ZNF727: variants seen among roughly 807,000 people sequenced by gnomAD.
ZNF727 encodes the protein putative zinc finger protein 727.
A neutral mutation model predicts 11.5 loss-of-function variants in ZNF727; 11 were observed. The observed-to-expected ratio is 0.95, with a 90% CI of 0.60 to 1.58. ZNF727 has a LOEUF of 1.58. Among genes scored for constraint, ZNF727 ranks in the 40% most tolerant of loss-of-function variants. The pLI, the probability that ZNF727 is intolerant of heterozygous loss-of-function variation, is 0.00. For synonymous variants in ZNF727, 171 were observed against 196.1 expected (o/e 0.87, Z 1.07); for missense variants, 533 against 581.7 (o/e 0.92, Z 0.86).
chr7:64,072,433 G>A (rs1789976425), intron 3 of ZNF727, among the ~76,000 whole-genome samples: 1 of 152,136 alleles, frequency 6.6e-6, no homozygotes, highest in African/African-American at 2.4e-5. Flanking sequence ...TTGGCATATG[G>A]TGTGCCTGAT....
chr7:64,070,686 T>G (rs1789946336), intron 3 of ZNF727, among the ~76,000 whole-genome samples: 1 of 152,046 alleles, frequency 6.6e-6, no homozygotes, highest in African/African-American at 2.4e-5. Context: ...CCTAACAGTA[T>G]TACTTTCTAT....
intron 3 of ZNF727, among the ~76,000 whole-genome samples, chr7:64,075,807 C>CAA (rs1785639455): frequency 6.6e-6 from 1 of 152,024 alleles, no homozygotes; most frequent in African/African-American, 2.4e-5. Flanking sequence ...GTAGTAGTAG[C>CAA]AATATCCCAA....
intron 1 of ZNF727, among the ~76,000 whole-genome samples, chr7:64,050,776 ATGTGTGTGTGTGTG>A (rs10609208): frequency 2.7e-5 from 4 of 148,358 alleles, no homozygotes; most frequent in African/African-American, 9.9e-5. Flanking sequence ...ATGCATATGT[ATGTGTGTGTGTGTG>A]TGTGTGTGTG....
chr7:64,080,895 T>TTTG lies in ZNF727; in HGVS notation c.*2348_*2349insGTT, dbSNP rs538620987. On this transcript the variant is annotated 3_prime_UTR_variant, in exon 4 of 4. Transcript: ENST00000456806. ...TTGTTTTTTGTTTTTTGTTTTTGTT[T>TTTG]TTTTTTTTGTGGTGGTGGAGGGGGC... is the stretch of plus-strand genomic sequence containing the variant. Among the ~76,000 whole-genome samples, 1 of 151,790 alleles carries TTTG rather than the reference T, an allele frequency of 6.6e-6. No homozygotes were observed. The highest frequency in any genetic ancestry group is 1.9e-4 in the East Asian group (1 of 5,146).
chr7:64,048,985 A>G (rs1385613665), intron 1 of ZNF727, among the ~76,000 whole-genome samples: 1 of 152,192 alleles, frequency 6.6e-6, no homozygotes, highest in African/African-American at 2.4e-5. Flanking sequence ...GAGGGCGGTG[A>G]CCAAATATTC....
intron 3 of ZNF727, 131 bp from the exon 4 acceptor site, chr7:64,077,145 T>C: frequency 2.1e-6 from 2 of 934,988 alleles, no homozygotes; most frequent in South Asian, 2.0e-5. Flanking sequence ...TATATGTCTA[T>C]AAAGGAAGTA....
At chr7:64,069,043 C>T in intron 2 of ZNF727, 26 bp downstream of exon 2, 1 of 1,519,778 alleles carries the variant, frequency 6.6e-7, no homozygotes, top group Non-Finnish European at 8.8e-7. Context: ...ATATACAACT[C>T]ATATTCTACA....
chr7:64,066,471 A>G, intron 1 of ZNF727, among the ~76,000 whole-genome samples: 1 of 133,100 alleles, frequency 7.5e-6, no homozygotes, highest in South Asian at 2.1e-4. Context: ...CCAATGGAAC[A>G]GAACAGAGGC....
At chr7:64,062,640 A>G (rs1017936645) in intron 1 of ZNF727, among the ~76,000 whole-genome samples, 5 of 128,980 alleles carry the variant, frequency 3.9e-5, no homozygotes, top group Non-Finnish European at 6.6e-5. Context: ...AGGTGGTCAT[A>G]TTTAAGTGAA....
chr7:64,069,733 A>G, intron 3 of ZNF727, 124 bp downstream of exon 3: 4 of 779,204 alleles, frequency 5.1e-6, no homozygotes, highest in Non-Finnish European at 8.2e-6. Context: ...AGAAGCCTTC[A>G]TTTCTTTCTC....
rs553949801 is a variant in ZNF727 at position 64,053,598 on chromosome 7, C to T, written c.3+7974C>T. Among the ~76,000 whole-genome samples, 21 of 152,146 alleles carry T rather than the reference C, an allele frequency of 1.4e-4. No homozygotes were observed. The South Asian group carries it at 2.9e-3, about 21-fold the overall frequency. ...CCTCCCAAAGTGCTGGGATTACAGG[C>T]GTGAGCCACTGCACTGGGCTGAGAT... On this transcript the variant is annotated intron_variant, in intron 1 of 3. Transcript: ENST00000456806.
At chr7:64,076,252 A>G (rs1209504419) in intron 3 of ZNF727, among the ~76,000 whole-genome samples, 1 of 152,168 alleles carries the variant, frequency 6.6e-6, no homozygotes, top group Non-Finnish European at 1.5e-5. Context: ...CTCCTATTTT[A>G]TGACTTGTAT....
At chr7:64,046,780 A>G (rs1584138257) in intron 1 of ZNF727, among the ~76,000 whole-genome samples, 1 of 152,248 alleles carries the variant, frequency 6.6e-6, no homozygotes, top group East Asian at 1.9e-4. Flanking sequence ...GAATCAGAGA[A>G]TATCCAACTA....
chr7:64,075,174 A>C (rs1196670304), intron 3 of ZNF727, among the ~76,000 whole-genome samples: 2 of 151,936 alleles, frequency 1.3e-5, no homozygotes, highest in Non-Finnish European at 2.9e-5. Flanking sequence ...TAATTGTATA[A>C]ATTTATTTCT....
At chr7:64,075,340 ATTAT>A (rs1285927979) in intron 3 of ZNF727, among the ~76,000 whole-genome samples, 7 of 152,250 alleles carry the variant, frequency 4.6e-5, no homozygotes, top group Admixed American at 2.0e-4. Context: ...TATGTCCAGT[ATTAT>A]TTAAGTGCCT....
intron 1 of ZNF727, among the ~76,000 whole-genome samples, chr7:64,057,833 G>A (rs1321814169): frequency 6.6e-6 from 1 of 151,936 alleles, no homozygotes; most frequent in African/African-American, 2.4e-5. Context: ...ATCTCTTAAT[G>A]CAGTTATATT....
rs186909523 is a variant in ZNF727, at chr7:64,062,955, C to G, written c.4-5936C>G. 1.1e-3 allele frequency among the ~76,000 whole-genome samples: 166 copies of G among 151,708 alleles called. 3 individuals carry two copies. The highest frequency in any genetic ancestry group is 3.8e-3 in the African/African-American group (159 of 41,422). The stretch of plus-strand genomic sequence containing the variant: ...TCAGCACCAGAATTTTTGCCTGATT[C>G]TTCAAAATGATTTTAATCAATTTAT... On this transcript the variant is annotated intron_variant, in intron 1 of 3. Coordinates refer to ENST00000456806, the MANE Select transcript of ZNF727 (RefSeq NM_001159522.3).
chr7:64,049,449 A>G (rs1789557812), intron 1 of ZNF727, among the ~76,000 whole-genome samples: 2 of 151,848 alleles, frequency 1.3e-5, no homozygotes, highest in Admixed American at 6.6e-5. Flanking sequence ...TTCCTTGTAC[A>G]CTCTGTATGT....
intron 1 of ZNF727, among the ~76,000 whole-genome samples, chr7:64,058,622 T>C (rs1244197111): frequency 1.3e-5 from 2 of 152,172 alleles, no homozygotes; most frequent in Non-Finnish European, 2.9e-5. Flanking sequence ...ACCATCTGTG[T>C]AGCACAAGTT....
Sources: gnomAD v4.1 joint callset for allele counts (sites outside exome capture counted in the v4.1 genomes callset) on GRCh38, gnomAD v4.1.1 for gene constraint, MANE v1.5 for transcripts, NCBI Gene and HGNC (gene_info 2026-07-23, HGNC 2026-07-21) for gene names.